Variants in SDHA observed in about 807,000 individuals in gnomAD.
SDHA encodes the protein succinate dehydrogenase [ubiquinone] flavoprotein subunit, mitochondrial.
In SDHA, 48 loss-of-function variants were observed where a neutral mutation model predicts 78.4. The observed-to-expected ratio is 0.61, with a 90% CI of 0.49 to 0.78. The LOEUF is 0.78. SDHA is among the 30% of genes least tolerant of loss of function. The pLI is 0.00. For missense variants in SDHA, 680 were observed against 892.7 expected (o/e 0.76, Z 3.04); for synonymous variants, 326 against 353.9 (o/e 0.92, Z 0.88).
intron 10 of SDHA, 96 bp downstream of exon 10, chr5:236,695 A>C: frequency 8.0e-7 from 1 of 1,243,714 alleles, no homozygotes; most frequent in Non-Finnish European, 1.2e-6. Flanking sequence ...CCCAGGCTGG[A>C]GTGCAGTGGC....
intron 11 of SDHA, among the ~76,000 whole-genome samples, chr5:242,391 G>A (rs1028154010): frequency 6.6e-6 from 1 of 152,182 alleles, no homozygotes; most frequent in Non-Finnish European, 1.5e-5. Flanking sequence ...TAGCATGAGC[G>A]ATCTGTGCCT....
In SDHA at chr5:251,110, A is replaced by G. The variant is rs1579438260; in HGVS notation, c.1663+7A>G. 2 of 1,610,040 alleles carry G rather than the reference A, an allele frequency of 1.2e-6. No homozygotes were observed. The highest frequency in any genetic ancestry group is 1.7e-6 in the Non-Finnish European group (2 of 1,178,064). The stretch of plus-strand genomic sequence containing the variant: ...CTGAAGACGTTCGACCGGGGTGAGC[A>G]GACAGTGGGCTCTGTGCACACTGTT... On this transcript the variant is annotated splice_region_variant and intron_variant, in intron 12 of 14. Transcript: ENST00000264932.
intron 6 of SDHA, among the ~76,000 whole-genome samples, chr5:230,151 GTCA>G (rs1451166947): frequency 6.6e-6 from 1 of 151,952 alleles, no homozygotes; most frequent in Admixed American, 6.6e-5. Context: ...ACTTGATTGT[GTCA>G]TCATTTCACA....
At chr5:263,860 A>G in the SDHA span, among the ~76,000 whole-genome samples, 1 of 152,164 alleles carries the variant, frequency 6.6e-6, no homozygotes, top group Admixed American at 6.5e-5. Flanking sequence ...GACTGCCTCA[A>G]AAAAAACTCT....
the SDHA span, among the ~76,000 whole-genome samples, chr5:262,252 CCGTCACAGCATTACCG>C: frequency 7.8e-6 from 1 of 128,492 alleles, no homozygotes; most frequent in Non-Finnish European, 1.6e-5. Flanking sequence ...GCTCCGCCTC[CCGTCACAGCATTACCG>C]TGTGAGCTCC....
At chr5:236,692 T>A in intron 10 of SDHA, 93 bp downstream of exon 10, 1 of 1,239,970 alleles carries the variant, frequency 8.1e-7, no homozygotes, top group Non-Finnish European at 1.2e-6. Flanking sequence ...CAGCCCAGGC[T>A]GGAGTGCAGT....
intron 5 of SDHA, among the ~76,000 whole-genome samples, chr5:227,315 T>C (rs1290748423): frequency 1.3e-5 from 2 of 152,226 alleles, no homozygotes; most frequent in Non-Finnish European, 2.9e-5. Flanking sequence ...CGGCCATGGA[T>C]TGTTTTAATA....
intron 9 of SDHA, 51 bp downstream of exon 9, chr5:235,390 G>C (rs1330408313): frequency 6.4e-7 from 1 of 1,551,414 alleles, no homozygotes; most frequent in South Asian, 1.1e-5. Context: ...TGGGACGACG[G>C]GGCCCACCTC....
In SDHA at chr5:218,320, A is replaced by G. The variant is rs759749230; in HGVS notation, c.-36A>G. On this transcript the variant is annotated 5_prime_UTR_variant, in exon 1 of 15. Coordinates refer to ENST00000264932, the MANE Select transcript of SDHA (RefSeq NM_004168.4). ...TGTGGTGCGCAGGCGCAGTCTGCGCAGGGACTGGCGGGACTGCGCGGCGGC... is the reference window on the plus strand; with the variant it reads ...TGTGGTGCGCAGGCGCAGTCTGCGCGGGGACTGGCGGGACTGCGCGGCGGC... 1 of 1,459,334 alleles carries G rather than the reference A, an allele frequency of 6.9e-7. No homozygotes were observed. Among genetic ancestry groups the G allele is most frequent in the Non-Finnish European group, 9.0e-7 (1 of 1,114,134 alleles). 90.4% of individuals were successfully genotyped at this position (1,459,334 alleles called of 1,614,324 possible). A position where few individuals can be genotyped will look rare whatever the true frequency, so the allele number is the denominator to read the frequency against.
intron 11 of SDHA, among the ~76,000 whole-genome samples, chr5:245,403 AAAC>A (rs1322015264): frequency 6.6e-6 from 1 of 152,238 alleles, no homozygotes; most frequent in Non-Finnish European, 1.5e-5. Flanking sequence ...TTCGTGCAGT[AAAC>A]AACCTGCAGC....
intron 11 of SDHA, among the ~76,000 whole-genome samples, chr5:248,290 C>T (rs1315485781): frequency 2.6e-5 from 4 of 152,152 alleles, no homozygotes; most frequent in Non-Finnish European, 4.4e-5. Flanking sequence ...GAGGAGGACC[C>T]CAACTGTCAT....
chr5:233,169 C>T (rs1219434658), intron 7 of SDHA, among the ~76,000 whole-genome samples: 1 of 152,114 alleles, frequency 6.6e-6, no homozygotes, highest in Admixed American at 6.5e-5. Context: ...AAAATTAAAA[C>T]AAAATTTGAG....
the SDHA span, among the ~76,000 whole-genome samples, chr5:262,580 AACCATCCCC>A: frequency 6.6e-6 from 1 of 152,140 alleles, no homozygotes; most frequent in Non-Finnish European, 1.5e-5. Context: ...TTCATCTCCA[AACCATCCCC>A]ACCATCCCCA....
At chr5:263,524 G>T in the SDHA span, among the ~76,000 whole-genome samples, 2 of 152,218 alleles carry the variant, frequency 1.3e-5, no homozygotes, top group Non-Finnish European at 2.9e-5. Flanking sequence ...CAGATCCGTG[G>T]TTCCCTGCAG....
In SDHA at chr5:239,225, A is replaced by T. The variant is rs190060869; in HGVS notation, c.1433-1133A>T. 1.8e-3 allele frequency among the ~76,000 whole-genome samples: 168 copies of T among 91,556 alleles called. 2 individuals are homozygous for T. The highest frequency in any genetic ancestry group is 4.1e-4 in the Non-Finnish European group (21 of 51,776). The allele number at this position is 91,556 out of a possible 152,430, so 60.1% of individuals were successfully genotyped here. A position where few individuals can be genotyped will look rare whatever the true frequency, so the allele number is the denominator to read the frequency against. On this transcript the variant is annotated intron_variant, in intron 10 of 14. Transcript: ENST00000264932. ...TTGAAGAAAATATATATAACGTTAT[A>T]AAAAAAACTTAAAAACTTTTTTCAA...
chr5:220,250 C>T, intron 1 of SDHA: 3 of 448,732 alleles, frequency 6.7e-6, no homozygotes, highest in Non-Finnish European at 9.0e-6. Flanking sequence ...TGCACTGACA[C>T]AGCTTGCAAA....
At chr5:237,473 G>A (rs1735852680) in intron 10 of SDHA, among the ~76,000 whole-genome samples, 1 of 132,724 alleles carries the variant, frequency 7.5e-6, no homozygotes, top group Non-Finnish European at 1.5e-5. Flanking sequence ...TACCATGTGT[G>A]GGAGTGTGAG....
At chr5:228,027 C>T (rs1735150593) in intron 5 of SDHA, 158 bp from the exon 6 acceptor site, 4 of 734,396 alleles carry the variant, frequency 5.4e-6, no homozygotes, top group African/African-American at 1.7e-5. Flanking sequence ...GAATGCCTCT[C>T]GGGCTCTGAC....
At chr5:253,225 G>A (rs1348528506) in intron 13 of SDHA, 4 of 152,182 alleles carry the variant, frequency 2.6e-5, no homozygotes, top group East Asian at 1.9e-4. Context: ...GTGTGTAGGC[G>A]GCTGGTGGCA....
Sources: allele counts gnomAD v4.1 joint callset (sites outside exome capture counted in the v4.1 genomes callset), GRCh38; gene constraint gnomAD v4.1.1; transcripts MANE v1.5; gene names NCBI Gene and HGNC (gene_info 2026-07-23, HGNC 2026-07-21).